Variants in GABRA3 observed in about 807,000 individuals in gnomAD.
The protein encoded by GABRA3 is gamma-aminobutyric acid receptor subunit alpha-3.
A neutral mutation model predicts 30.1 loss-of-function variants in GABRA3; 10 were observed. The observed-to-expected ratio is 0.33, with a 90% CI of 0.20 to 0.56. The LOEUF (loss-of-function observed/expected upper bound fraction) is 0.56. Among genes scored for constraint, GABRA3 ranks in the 20% least tolerant of loss-of-function variants. The pLI is 0.89. For missense variants in GABRA3, 233 were observed against 392.0 expected, an observed-to-expected ratio of 0.59 and a Z score of 3.42; for synonymous variants, 151 against 146.8, an observed-to-expected ratio of 1.03 and a Z score of -0.21.
chrX:152,291,234 T>G (rs372669298), intron 3 of GABRA3, among the ~76,000 whole-genome samples: 1 of 111,611 alleles, frequency 9.0e-6, no homozygotes, highest in Non-Finnish European at 1.9e-5. Flanking sequence ...CCTTCACATC[T>G]CTTGTAAGTT....
intron 1 of GABRA3, among the ~76,000 whole-genome samples, chrX:152,446,222 T>C (rs1931082509): frequency 8.9e-6 from 1 of 111,941 alleles, no homozygotes; most frequent in African/African-American, 3.3e-5. Context: ...TGCTGTGAAG[T>C]TTAATAATGC....
At chrX:152,404,247 C>A (rs1929869268) in intron 1 of GABRA3, among the ~76,000 whole-genome samples, 1 of 111,399 alleles carries the variant, frequency 9.0e-6, no homozygotes, top group African/African-American at 3.3e-5. Flanking sequence ...TCTAGACAAA[C>A]CACAGCAGAA....
Position 152,174,809 on chromosome X carries a change from T to G in GABRA3, c.1144-6246A>C, listed in dbSNP as rs1189197670. On this transcript the variant is annotated intron_variant, in intron 9 of 9. Coordinates refer to ENST00000370314, the MANE Select transcript of GABRA3 (RefSeq NM_000808.4). ...TCTTTAGTTTAATTAGATCCCATTT[T>G]TCAATTTTGGCTTTTGTTGCCATTG... is the stretch of plus-strand genomic sequence containing the variant. Among the ~76,000 whole-genome samples the G allele has an allele frequency of 2.5e-4, 28 of 112,074 alleles. 1 individual carries two copies. Among genetic ancestry groups the G allele is most frequent in the Middle Eastern group, 9.2e-3 (2 of 217 alleles).
intron 3 of GABRA3, among the ~76,000 whole-genome samples, chrX:152,290,643 T>C (rs1445222739): frequency 8.9e-6 from 1 of 112,280 alleles, no homozygotes; most frequent in East Asian, 2.8e-4. Context: ...TTTTACGGTT[T>C]CAGGTCTAAC....
Position 152,198,724 on chromosome X carries a change from C to G in GABRA3, c.779-939G>C, listed in dbSNP as rs1937422179. On this transcript the variant is annotated intron_variant, in intron 7 of 9. Coordinates refer to ENST00000370314, the MANE Select transcript of GABRA3 (RefSeq NM_000808.4). ...CTAAACACTGGAGGATGTCAAAGCT[C>G]TGTACTTGCACTTCTTTTTTCTGTC... is the stretch of plus-strand genomic sequence containing the variant. Among the ~76,000 whole-genome samples the G allele has an allele frequency of 2.7e-5, 3 of 111,934 alleles. No homozygotes were observed. The Admixed American group carries it at 2.8e-4, about 11-fold the overall frequency.
At chrX:152,445,928 A>G (rs1178763113) in intron 1 of GABRA3, among the ~76,000 whole-genome samples, 1 of 111,869 alleles carries the variant, frequency 8.9e-6, no homozygotes, top group Admixed American at 9.5e-5. Context: ...GCCTCTTCCT[A>G]TAAATTGCTG....
intron 6 of GABRA3, among the ~76,000 whole-genome samples, chrX:152,211,390 T>G (rs990666003): frequency 3.0e-4 from 33 of 109,803 alleles, no homozygotes; most frequent in African/African-American, 9.3e-4. Context: ...TTCTCCAGAC[T>G]AGCACCTTAC....
At chrX:152,283,775 G>A (rs778869685) in intron 4 of GABRA3, among the ~76,000 whole-genome samples, 9 of 111,908 alleles carry the variant, frequency 8.0e-5, no homozygotes, top group African/African-American at 2.9e-4. Flanking sequence ...ACTGAAAATA[G>A]ACACACAGAA....
chrX:152,369,053 C>T (rs915782512), intron 1 of GABRA3, among the ~76,000 whole-genome samples: 1 of 111,416 alleles, frequency 9.0e-6, no homozygotes, highest in African/African-American at 3.3e-5. Context: ...TCCATAATGG[C>T]TGTGCTAATT....
At chrX:152,266,200 A>G (rs1376199344) in intron 4 of GABRA3, among the ~76,000 whole-genome samples, 9 of 111,985 alleles carry the variant, frequency 8.0e-5, no homozygotes, top group Admixed American at 4.7e-4. Flanking sequence ...ACAAGACAAT[A>G]TATCTGATGA....
intron 1 of GABRA3, among the ~76,000 whole-genome samples, chrX:152,416,243 G>A (rs12832264): frequency 0.52 from 49,146 of 93,771 alleles, 12,793 homozygotes; most frequent in Non-Finnish European, 0.72. Flanking sequence ...CAAACAGAGA[G>A]CCAAATCATG....
chrX:152,440,864 G>C (rs1157390055), intron 1 of GABRA3, among the ~76,000 whole-genome samples: 1 of 110,789 alleles, frequency 9.0e-6, no homozygotes, highest in Non-Finnish European at 1.9e-5. Context: ...GGCCCGTCAG[G>C]GGGTGGGAGG....
At chrX:152,200,497 C>T (rs1400385522) in intron 7 of GABRA3, among the ~76,000 whole-genome samples, 1 of 111,568 alleles carries the variant, frequency 9.0e-6, no homozygotes, top group Non-Finnish European at 1.9e-5. Flanking sequence ...CTCTCTGCTT[C>T]TTTTTTTCAA....
At chrX:152,398,172 C>A (rs1037150896) in intron 1 of GABRA3, among the ~76,000 whole-genome samples, 1 of 111,369 alleles carries the variant, frequency 9.0e-6, no homozygotes, top group African/African-American at 3.3e-5. Flanking sequence ...ATGCCTAAGT[C>A]CTGTTTAAAT....
At chrX:152,403,098 T>C (rs1929834717) in intron 1 of GABRA3, among the ~76,000 whole-genome samples, 1 of 111,811 alleles carries the variant, frequency 8.9e-6, no homozygotes, top group African/African-American at 3.2e-5. Context: ...GGAGTCCCTC[T>C]AAAGCTGGGA....
intron 1 of GABRA3, among the ~76,000 whole-genome samples, chrX:152,446,620 G>A (rs1307364275): frequency 5.6e-5 from 6 of 107,306 alleles, no homozygotes; most frequent in African/African-American, 2.0e-4. Flanking sequence ...TTCAAGTATT[G>A]AGAGGCAATG....
At chrX:152,418,234 C>A (rs924982892) in intron 1 of GABRA3, among the ~76,000 whole-genome samples, 1 of 110,761 alleles carries the variant, frequency 9.0e-6, no homozygotes, top group African/African-American at 3.3e-5. Context: ...GCAAGAATTG[C>A]ATTTTTTGAA....
chrX:152,200,432 T>A (rs954035167), intron 7 of GABRA3, among the ~76,000 whole-genome samples: 1 of 112,582 alleles, frequency 8.9e-6, no homozygotes, highest in East Asian at 2.8e-4. Flanking sequence ...AGTAGGCTTA[T>A]TTTTAATTTA....
chrX:152,319,324 A>G (rs761892110), intron 3 of GABRA3, among the ~76,000 whole-genome samples: 11 of 112,172 alleles, frequency 9.8e-5, no homozygotes, highest in Non-Finnish European at 1.7e-4. Flanking sequence ...TTGACTTCAA[A>G]CTATACTATA....
Sources: allele counts gnomAD v4.1 joint callset (sites outside exome capture counted in the v4.1 genomes callset), GRCh38; gene constraint gnomAD v4.1.1; transcripts MANE v1.5; gene names NCBI Gene and HGNC (gene_info 2026-07-23, HGNC 2026-07-21).